Variants in MAOA observed in about 807,000 individuals in gnomAD.
MAOA encodes amine oxidase [flavin-containing] A.
A neutral mutation model predicts 42.0 loss-of-function variants in MAOA; 6 were observed. That is an observed-to-expected ratio of 0.14 (90% confidence interval 0.08 to 0.28). The LOEUF is 0.28. Ranked by LOEUF, MAOA falls within the 10% of genes least tolerant of loss-of-function variation. The pLI, the probability that MAOA is intolerant of heterozygous loss-of-function variation, is 1.00. For missense variants in MAOA, 262 were observed against 422.3 expected, an observed-to-expected ratio of 0.62 and a Z score of 3.33; for synonymous variants, 140 against 154.0, an observed-to-expected ratio of 0.91 and a Z score of 0.67.
At chrX:43,690,019 A>T (rs1443644527) in intron 2 of MAOA, among the ~76,000 whole-genome samples, 3 of 110,271 alleles carry the variant, frequency 2.7e-5, no homozygotes, top group East Asian at 5.6e-4. Flanking sequence ...TTGTTTTCTG[A>T]AAAAGAATTG....
At chrX:43,691,566 G>C (rs930663715) in intron 2 of MAOA, among the ~76,000 whole-genome samples, 4 of 111,180 alleles carry the variant, frequency 3.6e-5, no homozygotes, top group Admixed American at 2.9e-4. Flanking sequence ...TAGAAAAGAT[G>C]GGTAGTGCTT....
At chrX:43,668,376 C>G (rs5906893) in intron 1 of MAOA, among the ~76,000 whole-genome samples, 4 of 110,887 alleles carry the variant, frequency 3.6e-5, no homozygotes, top group Non-Finnish European at 7.6e-5. Context: ...AAGAAATGAA[C>G]TCTTTGTTGA....
At chrX:43,734,949 A>T (rs1269078890) in intron 9 of MAOA, among the ~76,000 whole-genome samples, 2 of 112,320 alleles carry the variant, frequency 1.8e-5, no homozygotes, top group East Asian at 2.8e-4. Context: ...AAACTTACTG[A>T]TTCTTGCATA....
At chrX:43,690,657 C>T (rs772069560) in intron 2 of MAOA, among the ~76,000 whole-genome samples, 1 of 111,668 alleles carries the variant, frequency 9.0e-6, no homozygotes, top group East Asian at 2.8e-4. Flanking sequence ...CTTCTACCAC[C>T]GTCCTTGACA....
At chrX:43,693,504 A>G (rs2033552948) in intron 3 of MAOA, 76 bp downstream of exon 3, 2 of 1,085,253 alleles carry the variant, frequency 1.8e-6, no homozygotes, top group African/African-American at 1.8e-5. Context: ...GTTTTTAGTT[A>G]TTTTTCTTTC....
chrX:43,678,640 G>A (rs1390590306), intron 1 of MAOA, among the ~76,000 whole-genome samples: 1 of 111,840 alleles, frequency 8.9e-6, no homozygotes, highest in Non-Finnish European at 1.9e-5. Context: ...ATTTTGTAGT[G>A]ATGAGGGAAG....
chrX:43,711,063 T>C (rs1365001953), intron 3 of MAOA, among the ~76,000 whole-genome samples: 1 of 111,553 alleles, frequency 9.0e-6, no homozygotes, highest in African/African-American at 3.3e-5. Context: ...ACCCACTCCA[T>C]GGTCAGAGTC....
chrX:43,734,458 G>A (rs1015499356), intron 9 of MAOA, among the ~76,000 whole-genome samples: 4 of 111,215 alleles, frequency 3.6e-5, no homozygotes, highest in African/African-American at 1.3e-4. Context: ...TATTAACTAG[G>A]TTAGGGCTCA....
rs1404929521 is a variant in MAOA, at chrX:43,728,352, C to T, written c.645+38C>T. 5 of 1,200,348 alleles carry T rather than the reference C, an allele frequency of 4.2e-6. No individual in the cohort carries two copies. The South Asian group carries it at 7.1e-5, about 17-fold the overall frequency. Reference sequence around the variant, plus strand: ...TGTGTCTGTTCTGAAACAAGAGCTTCATCTGTGATTTTGCTTTCTCCCAGG... The same window carrying T: ...TGTGTCTGTTCTGAAACAAGAGCTTTATCTGTGATTTTGCTTTCTCCCAGG... On this transcript the variant is annotated intron_variant, in intron 6 of 14. Transcript: ENST00000338702.
intron 3 of MAOA, among the ~76,000 whole-genome samples, chrX:43,706,491 C>T (rs1324596135): frequency 9.0e-6 from 1 of 110,722 alleles, no homozygotes; most frequent in Admixed American, 9.7e-5. Flanking sequence ...TTTTAAAACC[C>T]TTCACTGTTG....
chrX:43,721,811 G>T (rs1343107181), intron 5 of MAOA, among the ~76,000 whole-genome samples: 3 of 110,140 alleles, frequency 2.7e-5, no homozygotes, highest in Non-Finnish European at 5.7e-5. Flanking sequence ...TTTACATTAG[G>T]CATTTCTCCT....
chrX:43,724,830 T>C (rs1019529969), intron 5 of MAOA, among the ~76,000 whole-genome samples: 4 of 112,365 alleles, frequency 3.6e-5, no homozygotes, highest in African/African-American at 9.7e-5. Flanking sequence ...AATTTTCTTC[T>C]ACACACTGCT....
intron 14 of MAOA, 33 bp from the exon 15 acceptor site, chrX:43,744,334 T>C: frequency 1.7e-6 from 2 of 1,207,317 alleles, no homozygotes; most frequent in Non-Finnish European, 2.2e-6. Flanking sequence ...TCAGCATGAG[T>C]TTTTTGCTCA....
chrX:43,677,681 T>C (rs1449551352), intron 1 of MAOA, among the ~76,000 whole-genome samples: 1 of 111,891 alleles, frequency 8.9e-6, no homozygotes, highest in East Asian at 2.8e-4. Context: ...GATCTGCTAT[T>C]TTCCTGTTTT....
At chrX:43,703,331 G>T (rs1254646319) in intron 3 of MAOA, among the ~76,000 whole-genome samples, 1 of 111,920 alleles carries the variant, frequency 8.9e-6, no homozygotes, top group Non-Finnish European at 1.9e-5. Context: ...CTGCTCTTAT[G>T]TACTTTCTCA....
intron 2 of MAOA, among the ~76,000 whole-genome samples, chrX:43,690,326 C>T (rs2033522671): frequency 1.8e-5 from 2 of 110,013 alleles, no homozygotes; most frequent in Non-Finnish European, 1.9e-5. Context: ...AATCCATTCA[C>T]GGAGTTTTAA....
At position 43,743,130 on chromosome X, in the gene MAOA, G is replaced by A. The variant is rs140807015; in HGVS notation, c.1263-664G>A. The stretch of plus-strand genomic sequence containing the variant: ...CTTGGGAGAGTTCATGAAACTAGCT[G>A]TGGACATGGCAGGAGTCAAAGCCAA... On this transcript the variant is annotated intron_variant, in intron 12 of 14. Coordinates refer to ENST00000338702, the MANE Select transcript of MAOA (RefSeq NM_000240.4). 7.2e-5 allele frequency among the ~76,000 whole-genome samples: 8 copies of A among 111,129 alleles called. No individual in the cohort carries two copies. The South Asian group carries it at 2.3e-3, about 33-fold the overall frequency.
chrX:43,687,435 C>T (rs2033496000), intron 2 of MAOA, among the ~76,000 whole-genome samples: 1 of 111,729 alleles, frequency 9.0e-6, no homozygotes, highest in South Asian at 3.7e-4. Context: ...AGTACTAATT[C>T]CAGTTTTGTT....
chrX:43,662,538 A>G (rs1406113839), intron 1 of MAOA, among the ~76,000 whole-genome samples: 1 of 111,834 alleles, frequency 8.9e-6, no homozygotes, highest in South Asian at 3.6e-4. Flanking sequence ...CATACATTAC[A>G]GAGACCAATA....
Sources: allele counts gnomAD v4.1 joint callset (sites outside exome capture counted in the v4.1 genomes callset), GRCh38; gene constraint gnomAD v4.1.1; transcripts MANE v1.5; gene names NCBI Gene and HGNC (gene_info 2026-07-23, HGNC 2026-07-21).